DAB1: variants seen among roughly 807,000 people sequenced by gnomAD.
The protein encoded by DAB1 is disabled homolog 1.
In DAB1, 15 loss-of-function variants were observed where a neutral mutation model predicts 64.6. That is an observed-to-expected ratio of 0.23 (90% CI 0.16 to 0.36). The LOEUF (loss-of-function observed/expected upper bound fraction) is 0.36. Among genes scored for constraint, DAB1 ranks in the 10% least tolerant of loss-of-function variants. DAB1 has a pLI of 1.00. For synonymous variants in DAB1, 235 were observed against 251.9 expected, an observed-to-expected ratio of 0.93 and a Z score of 0.64; for missense variants, 596 against 706.7, an observed-to-expected ratio of 0.84 and a Z score of 1.78.
At chr1:58,261,666 C>T (rs906321891) in intron 4 of DAB1, among the ~76,000 whole-genome samples, 32 of 151,922 alleles carry the variant, frequency 2.1e-4, no homozygotes, top group African/African-American at 7.7e-4. Context: ...GATTGCATAA[C>T]TCTAATAATA....
chr1:57,935,173 G>C (rs1205758045), intron 5 of DAB1, among the ~76,000 whole-genome samples: 1 of 152,224 alleles, frequency 6.6e-6, no homozygotes, highest in African/African-American at 2.4e-5. Flanking sequence ...ATGAGAAGAA[G>C]GAGGGTTTAG....
At chr1:57,976,416 C>A (rs1049958386) in intron 5 of DAB1, among the ~76,000 whole-genome samples, 3 of 152,168 alleles carry the variant, frequency 2.0e-5, no homozygotes, top group Non-Finnish European at 4.4e-5. Context: ...CAGCTTTGCT[C>A]GACTGCCATC....
intron 2 of DAB1, among the ~76,000 whole-genome samples, chr1:57,290,744 A>G (rs1672712508): frequency 6.6e-6 from 1 of 152,210 alleles, no homozygotes; most frequent in African/African-American, 2.4e-5. Flanking sequence ...ATATCATTCC[A>G]GATATTTAAA....
At chr1:57,994,410 G>A (rs1646395022) in intron 5 of DAB1, among the ~76,000 whole-genome samples, 3 of 152,214 alleles carry the variant, frequency 2.0e-5, no homozygotes, top group Admixed American at 6.5e-5. Context: ...GTCTGAGTTG[G>A]AGGCTGTATG....
chr1:58,359,142 A>C (rs1265255402), intron 3 of DAB1, among the ~76,000 whole-genome samples: 1 of 152,158 alleles, frequency 6.6e-6, no homozygotes, highest in East Asian at 1.9e-4. Context: ...TCTGGGTCAT[A>C]TGGAGGACTT....
At chr1:57,557,358 G>A (rs1645001261) in intron 7 of DAB1, among the ~76,000 whole-genome samples, 1 of 151,784 alleles carries the variant, frequency 6.6e-6, no homozygotes, top group East Asian at 1.9e-4. Flanking sequence ...CCCTGCAGAC[G>A]GCCTATTGTT....
At chr1:57,467,927 T>C (rs928380485) in intron 7 of DAB1, among the ~76,000 whole-genome samples, 4 of 152,228 alleles carry the variant, frequency 2.6e-5, no homozygotes, top group Non-Finnish European at 5.9e-5. Context: ...CTCATATTTA[T>C]TGAGTTCCCA....
At chr1:57,259,137 G>C (rs1250762961) in intron 2 of DAB1, among the ~76,000 whole-genome samples, 1 of 152,156 alleles carries the variant, frequency 6.6e-6, no homozygotes, top group Non-Finnish European at 1.5e-5. Flanking sequence ...ACAACTCCCT[G>C]TACCAACATT....
chr1:58,341,457 T>C (rs182365171), intron 4 of DAB1, among the ~76,000 whole-genome samples: 3 of 152,308 alleles, frequency 2.0e-5, no homozygotes, highest in African/African-American at 7.2e-5. Context: ...GCAGAGACTA[T>C]ATTTTAAACT....
intron 5 of DAB1, among the ~76,000 whole-genome samples, chr1:58,090,801 T>A (rs1557645927): frequency 6.6e-6 from 1 of 152,122 alleles, no homozygotes; most frequent in East Asian, 1.9e-4. Flanking sequence ...AAGGAGGCAA[T>A]TTCTCTGTCA....
At chr1:57,490,831 A>C (rs1644153675) in intron 7 of DAB1, among the ~76,000 whole-genome samples, 1 of 152,218 alleles carries the variant, frequency 6.6e-6, no homozygotes, top group Admixed American at 6.5e-5. Flanking sequence ...TATCCAAGGT[A>C]GAGAGTTGAT....
chr1:58,069,043 C>A (rs1205998243), intron 5 of DAB1, among the ~76,000 whole-genome samples: 2 of 152,146 alleles, frequency 1.3e-5, no homozygotes, highest in Non-Finnish European at 2.9e-5. Flanking sequence ...TTGAAGGAGG[C>A]TATTCTGGTA....
rs201380662 is a variant in DAB1, at chr1:57,961,487, CT to C, written n.388-77326del. On this transcript the variant is annotated intron_variant and non_coding_transcript_variant, in intron 5 of 20. Coordinates refer to the DAB1 transcript ENST00000485760. The stretch of plus-strand genomic sequence containing the variant: ...ATCTCTGACCAAATGAGTCCCCCAC[CT>C]TCCTGTCATGCTCAACCATAGGAGT... 8.5e-3 allele frequency among the ~76,000 whole-genome samples: 1,297 copies of C among 152,230 alleles called. 15 individuals are homozygous for C. The highest frequency in any genetic ancestry group is 0.03 in the African/African-American group (1,229 of 41,552).
intron 7 of DAB1, among the ~76,000 whole-genome samples, chr1:57,455,729 C>A (rs1686564424): frequency 6.6e-6 from 1 of 152,108 alleles, no homozygotes. Flanking sequence ...CTAGACTCCA[C>A]ATCACCAAGC....
At position 57,140,161 on chromosome 1, in the gene DAB1, A is replaced by C. The variant is rs569314873; in HGVS notation, c.208-3520T>G. ...TTAGGGAGTCAAAAGAAGTGGATAT[A>C]GGTCCTGTTATGGACTCTGTGCCTG... On this transcript the variant is annotated intron_variant, in intron 3 of 14. Coordinates refer to ENST00000371236, the MANE Select transcript of DAB1 (RefSeq NM_001365792.1). Among the ~76,000 whole-genome samples, 4 of 152,274 alleles carry C rather than the reference A, an allele frequency of 2.6e-5. No individual in the cohort carries two copies. The South Asian group carries it at 8.3e-4, about 32-fold the overall frequency.
At chr1:57,060,203 T>G (rs901232222) in intron 9 of DAB1, among the ~76,000 whole-genome samples, 1 of 150,272 alleles carries the variant, frequency 6.7e-6, no homozygotes, top group Non-Finnish European at 1.5e-5. Flanking sequence ...CAGGCTAGAG[T>G]GCAGTAGCGC....
At chr1:58,211,412 A>G (rs1346296170) in intron 4 of DAB1, among the ~76,000 whole-genome samples, 1 of 152,200 alleles carries the variant, frequency 6.6e-6, no homozygotes, top group Non-Finnish European at 1.5e-5. Flanking sequence ...TCATTCTAAG[A>G]AAATAACTTT....
chr1:57,507,242 A>G (rs971615607), intron 7 of DAB1, among the ~76,000 whole-genome samples: 19 of 152,002 alleles, frequency 1.2e-4, no homozygotes, highest in African/African-American at 4.4e-4. Flanking sequence ...AGATTGGTCC[A>G]CTCATTACTG....
chr1:57,190,295 G>GGCAAGTAGGA (rs1409598617), intron 2 of DAB1, among the ~76,000 whole-genome samples: 1 of 152,186 alleles, frequency 6.6e-6, no homozygotes, highest in African/African-American at 2.4e-5. Flanking sequence ...AAGTAGGGAA[G>GGCAAGTAGGA]AAGCCAGCAT....
Sources: gnomAD v4.1 joint callset for allele counts (sites outside exome capture counted in the v4.1 genomes callset) on GRCh38, gnomAD v4.1.1 for gene constraint, MANE v1.5 for transcripts, NCBI Gene and HGNC (gene_info 2026-07-23, HGNC 2026-07-21) for gene names.